Variants in PCDHA3 observed in about 807,000 individuals in gnomAD.
PCDHA3 encodes protocadherin alpha-3.
In PCDHA3, 41 loss-of-function variants were observed where a neutral mutation model predicts 62.2. The observed-to-expected ratio is 0.66, with a 90% CI of 0.51 to 0.86. The LOEUF (loss-of-function observed/expected upper bound fraction) is 0.86. Ranked by LOEUF, PCDHA3 falls within the 40% of genes least tolerant of loss-of-function variation. PCDHA3 has a pLI of 0.00. For missense variants in PCDHA3, 1,304 were observed against 1,241.2 expected (o/e 1.05, Z -0.76); for synonymous variants, 640 against 555.4 (o/e 1.15, Z -2.14).
At chr5:140,937,944 G>T (rs2091858064) in intron 1 of PCDHA3, among the ~76,000 whole-genome samples, 1 of 151,532 alleles carries the variant, frequency 6.6e-6, no homozygotes. Flanking sequence ...TTTGATAATT[G>T]GCTTTTGTTG....
At chr5:140,941,167 A>G (rs1352007891) in intron 1 of PCDHA3, among the ~76,000 whole-genome samples, 2 of 144,982 alleles carry the variant, frequency 1.4e-5, no homozygotes, top group Non-Finnish European at 3.1e-5. Flanking sequence ...AAGACTCCCC[A>G]TCTTGAACAT....
intron 1 of PCDHA3, chr5:140,807,835 T>C (rs1554124302): frequency 1.9e-6 from 3 of 1,614,194 alleles, no homozygotes; most frequent in South Asian, 2.2e-5. Context: ...CAGCCACTGA[T>C]GGAGGCAAAC....
At position 140,850,653 on chromosome 5, in the gene PCDHA3, G is replaced by T. The variant is rs1472245010; in HGVS notation, c.2394+47062G>T. The T allele has an allele frequency of 2.5e-6, 4 of 1,598,606 alleles. No homozygotes were observed. The African/African-American group carries it at 4.0e-5, about 16-fold the overall frequency. On this transcript the variant is annotated intron_variant, in intron 1 of 3. Transcript: ENST00000522353. Reference sequence around the variant, plus strand: ...GGTTCTCACGCTGCTGCTGTACACTGTGCTGCGGTGCTCGGCGATGCCCAC... The same window carrying T: ...GGTTCTCACGCTGCTGCTGTACACTTTGCTGCGGTGCTCGGCGATGCCCAC...
chr5:140,803,905 T>A (rs185777176), intron 1 of PCDHA3: 7 of 516,732 alleles, frequency 1.4e-5, no homozygotes, highest in African/African-American at 1.3e-4. Flanking sequence ...ATTTAGAGAA[T>A]CTGACTTCGA....
intron 1 of PCDHA3, among the ~76,000 whole-genome samples, chr5:140,932,599 A>G (rs2088459196): frequency 6.6e-6 from 1 of 151,912 alleles, no homozygotes; most frequent in Non-Finnish European, 1.5e-5. Context: ...TTGTATATCT[A>G]TTTTGACTTT....
At position 140,823,478 on chromosome 5, in the gene PCDHA3, G is replaced by A. The variant is rs2150126228; in HGVS notation, c.2394+19887G>A. ...AACGCGCCGGCGCTGCTGGTGCCTC[G>A]AGTGGGTGGCACCGGCGGCGCAGTG... On this transcript the variant is annotated intron_variant, in intron 1 of 3. Coordinates refer to ENST00000522353, the MANE Select transcript of PCDHA3 (RefSeq NM_018906.3). 51 of 1,613,354 alleles carry A rather than the reference G, an allele frequency of 3.2e-5. No homozygotes were observed. Among genetic ancestry groups the A allele is most frequent in the Non-Finnish European group, 3.7e-5 (44 of 1,179,732 alleles).
intron 3 of PCDHA3, among the ~76,000 whole-genome samples, chr5:140,996,673 T>C (rs2097737293): frequency 6.6e-6 from 1 of 152,200 alleles, no homozygotes; most frequent in African/African-American, 2.4e-5. Context: ...TTTTGAACCA[T>C]GTTGGGCTAG....
chr5:140,923,570 C>T (rs1554201533), intron 1 of PCDHA3, among the ~76,000 whole-genome samples: 2 of 152,136 alleles, frequency 1.3e-5, no homozygotes, highest in African/African-American at 4.8e-5. Context: ...AAAGGTCCTG[C>T]TAAAGAGAAG....
At chr5:140,967,046 C>G in intron 1 of PCDHA3, 1 of 1,612,334 alleles carries the variant, frequency 6.2e-7, no homozygotes, top group Non-Finnish European at 8.5e-7. Context: ...GGAGCTGGAC[C>G]TGACGAGTGG....
chr5:140,805,885 GAAGC>G (rs1445716478), intron 1 of PCDHA3, among the ~76,000 whole-genome samples: 3 of 152,066 alleles, frequency 2.0e-5, no homozygotes, highest in East Asian at 1.9e-4. Context: ...GCAATGGAAG[GAAGC>G]AAACATTTTC....
chr5:140,933,704 T>C (rs1436562602), intron 1 of PCDHA3, among the ~76,000 whole-genome samples: 1 of 152,084 alleles, frequency 6.6e-6, no homozygotes, highest in African/African-American at 2.4e-5. Flanking sequence ...CGGACACATT[T>C]ACTGAGATTG....
chr5:140,928,917 G>A (rs181013464), intron 1 of PCDHA3: 4 of 1,614,134 alleles, frequency 2.5e-6, no homozygotes, highest in Admixed American at 1.7e-5. Context: ...AACCAGGAGG[G>A]CAGCTTTCTG....
chr5:140,882,998 C>T, intron 1 of PCDHA3: 1 of 1,614,066 alleles, frequency 6.2e-7, no homozygotes. Context: ...GGAATTTTAC[C>T]AATCCGTTTA....
intron 1 of PCDHA3, chr5:140,859,639 T>G (rs1419564799): frequency 6.3e-6 from 1 of 159,542 alleles, no homozygotes; most frequent in Non-Finnish European, 1.4e-5. Flanking sequence ...GAGATTGAAT[T>G]TGTTACTCAG....
At chr5:140,932,309 ATATAT>A (rs1441363335) in intron 1 of PCDHA3, among the ~76,000 whole-genome samples, 6 of 151,956 alleles carry the variant, frequency 3.9e-5, no homozygotes, top group Non-Finnish European at 8.8e-5. Context: ...AAAGGTATAA[ATATAT>A]TAATGTAGCA....
chr5:140,953,992 G>A (rs1210096728), intron 1 of PCDHA3, among the ~76,000 whole-genome samples: 3 of 152,034 alleles, frequency 2.0e-5, no homozygotes, highest in Non-Finnish European at 2.9e-5. Context: ...ATTTTCATGT[G>A]TACTCATCAT....
intron 1 of PCDHA3, chr5:140,856,284 A>C (rs1164216826): frequency 5.6e-6 from 9 of 1,598,362 alleles, no homozygotes; most frequent in Non-Finnish European, 7.7e-6. Context: ...GTAAATCTGC[A>C]GAATGGCATT....
intron 1 of PCDHA3, among the ~76,000 whole-genome samples, chr5:140,916,649 G>A (rs1331435832): frequency 6.6e-6 from 1 of 152,166 alleles, no homozygotes; most frequent in Non-Finnish European, 1.5e-5. Flanking sequence ...TGGCTGAGCT[G>A]GTATCCAAGA....
At chr5:140,850,834 C>G in intron 1 of PCDHA3, 1 of 1,597,920 alleles carries the variant, frequency 6.3e-7, no homozygotes, top group South Asian at 1.1e-5. Flanking sequence ...TCTCCTTGTG[C>G]TGGATCTACA....
Sources: gnomAD v4.1 joint callset for allele counts (sites outside exome capture counted in the v4.1 genomes callset) on GRCh38, gnomAD v4.1.1 for gene constraint, MANE v1.5 for transcripts, NCBI Gene and HGNC (gene_info 2026-07-23, HGNC 2026-07-21) for gene names.